ECHDC3: variants seen among roughly 807,000 people sequenced by gnomAD.
ECHDC3 encodes the protein enoyl-CoA hydratase domain-containing protein 3, mitochondrial.
A neutral mutation model predicts 17.9 loss-of-function variants in ECHDC3; 20 were observed. That is an observed-to-expected ratio of 1.12 (90% confidence interval 0.79 to 1.63). ECHDC3 has a LOEUF of 1.63. ECHDC3 is among the 40% of genes most tolerant of loss of function. The pLI is 0.00. For missense variants in ECHDC3, 407 were observed against 357.7 expected, an observed-to-expected ratio of 1.14 and a Z score of -1.11; for synonymous variants, 177 against 149.7, an observed-to-expected ratio of 1.18 and a Z score of -1.33.
At position 11,755,424 on chromosome 10, in the gene ECHDC3, G is replaced by A. The variant is rs144927894; in HGVS notation, c.407G>A (p.Arg136Gln). Residue 136 changes from arginine to glutamine, a missense_variant, in exon 4 of 5, where the codon CGG becomes CAG. By Grantham distance (43) the Arg-to-Gln change is conservative. Transcript: ENST00000379215. Reference sequence around the variant, plus strand: ...GTCCCGCAGGTCATGATGCACATCCGGAACCACCCCGTTCCCGTCATTGCC... The same window carrying A: ...GTCCCGCAGGTCATGATGCACATCCAGAACCACCCCGTTCCCGTCATTGCC... ...QTCSKVMMHI[R>Q]NHPVPVIAMV... 90 of 1,611,980 alleles carry A rather than the reference G, an allele frequency of 5.6e-5. No homozygotes were observed. The African/African-American group carries it at 7.6e-4, about 14-fold the overall frequency.
chr10:11,761,723 A>G (rs1832953904), intron 4 of ECHDC3, among the ~76,000 whole-genome samples: 1 of 152,230 alleles, frequency 6.6e-6, no homozygotes, highest in Non-Finnish European at 1.5e-5. Context: ...CATGGAGGCC[A>G]GGTCCCAAGA....
intron 2 of ECHDC3, among the ~76,000 whole-genome samples, chr10:11,748,101 A>G (rs1029915181): frequency 1.6e-4 from 25 of 152,342 alleles, no homozygotes; most frequent in African/African-American, 6.0e-4. Context: ...GAATGTTACC[A>G]TCTTATCCAT....
intron 4 of ECHDC3, among the ~76,000 whole-genome samples, chr10:11,757,401 G>C (rs1367985666): frequency 6.6e-6 from 1 of 152,114 alleles, no homozygotes; most frequent in Non-Finnish European, 1.5e-5. Flanking sequence ...GACAAAAACA[G>C]GCCTTAAGTT....
intron 4 of ECHDC3, 59 bp downstream of exon 4, chr10:11,755,667 A>C: frequency 2.7e-6 from 4 of 1,459,988 alleles, no homozygotes; most frequent in Non-Finnish European, 3.7e-6. Context: ...TTCCTCCTCC[A>C]GTGCATGCGA....
chr10:11,756,626 T>A (rs1218744738), intron 4 of ECHDC3, among the ~76,000 whole-genome samples: 1 of 152,224 alleles, frequency 6.6e-6, no homozygotes, highest in Admixed American at 6.5e-5. Flanking sequence ...ACACACACAC[T>A]TAGGACAGTG....
rs576127540 is a variant in ECHDC3 at position 11,758,675 on chromosome 10, C to T, written c.591+3067C>T. On this transcript the variant is annotated intron_variant, in intron 4 of 4. Transcript: ENST00000379215. ...AGAGGGTCTGGGAGTTTCAGGGCCTCGTGTCCTGTGTCCGGCCAGTGAGAT... is the reference window on the plus strand; with the variant it reads ...AGAGGGTCTGGGAGTTTCAGGGCCTTGTGTCCTGTGTCCGGCCAGTGAGAT... Among the ~76,000 whole-genome samples, 37 of 152,344 alleles carry T rather than the reference C, an allele frequency of 2.4e-4. 1 individual carries two copies. Among genetic ancestry groups the T allele is most frequent in the South Asian group, 1.9e-3 (9 of 4,830 alleles).
At chr10:11,749,628 A>G in intron 3 of ECHDC3, 36 bp downstream of exon 3, 1 of 1,595,794 alleles carries the variant, frequency 6.3e-7, no homozygotes, top group South Asian at 1.1e-5. Flanking sequence ...GCAAACCTGC[A>G]AATGATCATT....
chr10:11,755,358 T>C, intron 3 of ECHDC3, 50 bp from the exon 4 acceptor site: 1 of 1,452,654 alleles, frequency 6.9e-7, no homozygotes, highest in Non-Finnish European at 9.5e-7. Flanking sequence ...TAGGCGTTAA[T>C]GTCGTGCCTC....
chr10:11,753,243 T>A (rs548040841), intron 3 of ECHDC3, among the ~76,000 whole-genome samples: 21 of 151,676 alleles, frequency 1.4e-4, no homozygotes, highest in Non-Finnish European at 2.4e-4. Flanking sequence ...GTTAGCCGGG[T>A]ATGGTGGTGT....
At chr10:11,756,247 C>T (rs1483837470) in intron 4 of ECHDC3, among the ~76,000 whole-genome samples, 2 of 152,242 alleles carry the variant, frequency 1.3e-5, no homozygotes, top group African/African-American at 4.8e-5. Flanking sequence ...ACAAAGCTTT[C>T]TTCCTTCCTA....
intron 3 of ECHDC3, among the ~76,000 whole-genome samples, chr10:11,753,922 C>T (rs1231983762): frequency 1.3e-5 from 2 of 152,106 alleles, no homozygotes; most frequent in Non-Finnish European, 2.9e-5. Context: ...ATTACAGGCA[C>T]GTGCCACCAC....
At chr10:11,757,833 AT>A (rs1832900680) in intron 4 of ECHDC3, among the ~76,000 whole-genome samples, 1 of 152,170 alleles carries the variant, frequency 6.6e-6, no homozygotes, top group Non-Finnish European at 1.5e-5. Flanking sequence ...TGCAGATCTA[AT>A]TGTGTGGGCC....
At position 11,743,745 on chromosome 10, in the gene ECHDC3, C is replaced by G. The variant is rs559739099; in HGVS notation, c.170+999C>G. On this transcript the variant is annotated intron_variant, in intron 1 of 4. Coordinates refer to ENST00000379215, the MANE Select transcript of ECHDC3 (RefSeq NM_024693.5). ...TGCTCATCAACTACAGGAGCACAGGCCAGAGCAGGGCCCAGGCCAGGGTCT... is the reference window on the plus strand; with the variant it reads ...TGCTCATCAACTACAGGAGCACAGGGCAGAGCAGGGCCCAGGCCAGGGTCT... 5.9e-5 allele frequency among the ~76,000 whole-genome samples: 9 copies of G among 152,364 alleles called. No homozygotes were observed. In the East Asian group the frequency reaches 1.2e-3, roughly 20 times the overall value.
At position 11,749,745 on chromosome 10, in the gene ECHDC3, AGCAAT is replaced by A. The variant is rs1832803186; in HGVS notation, c.390+154_390+158del. Among the ~76,000 whole-genome samples, 2 of 1,830 alleles carry A rather than the reference AGCAAT, an allele frequency of 1.1e-3. 1 individual carries two copies. The allele number at this position is 1,830 out of a possible 152,430, so 1.2% of individuals were successfully genotyped here. ...GTTTGGTCATCAGATCCTTTATCCC[AGCAAT>A]CCAGCAATTATTTGGTTTAGACCTT... is the stretch of plus-strand genomic sequence containing the variant. On this transcript the variant is annotated intron_variant, in intron 3 of 4. Transcript: ENST00000379215.
chr10:11,745,157 T>A (rs1886386), intron 1 of ECHDC3, among the ~76,000 whole-genome samples: 1 of 152,080 alleles, frequency 6.6e-6, no homozygotes, highest in Non-Finnish European at 1.5e-5. Flanking sequence ...TTGGGTGGGG[T>A]GGGAGGAGCT....
At chr10:11,761,137 T>C (rs997234323) in intron 4 of ECHDC3, among the ~76,000 whole-genome samples, 2 of 152,244 alleles carry the variant, frequency 1.3e-5, no homozygotes, top group Non-Finnish European at 2.9e-5. Context: ...GCCAGGCTTC[T>C]GGTCTCTCTA....
At chr10:11,760,723 G>T (rs1832939820) in intron 4 of ECHDC3, among the ~76,000 whole-genome samples, 1 of 152,216 alleles carries the variant, frequency 6.6e-6, no homozygotes, top group Non-Finnish European at 1.5e-5. Flanking sequence ...CTCCACCTTG[G>T]CTTCTGATCC....
At chr10:11,754,065 ATC>A (rs2133791732) in intron 3 of ECHDC3, among the ~76,000 whole-genome samples, 1 of 152,210 alleles carries the variant, frequency 6.6e-6, no homozygotes, top group South Asian at 2.1e-4. Context: ...TTCCTCATTT[ATC>A]CTAGGGAAGA....
intron 4 of ECHDC3, among the ~76,000 whole-genome samples, chr10:11,760,849 C>T (rs1012006835): frequency 7.9e-5 from 12 of 152,332 alleles, no homozygotes; most frequent in South Asian, 4.1e-4. Context: ...CAACAGGATC[C>T]GCTTTTTAGC....
Sources: allele counts gnomAD v4.1 joint callset (sites outside exome capture counted in the v4.1 genomes callset), GRCh38; gene constraint gnomAD v4.1.1; transcripts MANE v1.5; gene names NCBI Gene and HGNC (gene_info 2026-07-23, HGNC 2026-07-21).